The following FLT1 variants were observed in gnomAD, a reference collection of about 807,000 sequenced individuals.
FLT1 encodes vascular endothelial growth factor receptor 1.
In FLT1, 49 loss-of-function variants were observed where a neutral mutation model predicts 156.3. The ratio of observed to expected loss-of-function variants is 0.31; its 90% CI spans 0.25 to 0.40. FLT1 has a LOEUF of 0.40. Ranked by LOEUF, FLT1 falls within the 10% of genes least tolerant of loss-of-function variation. FLT1 has a pLI of 1.00. For missense variants in FLT1, 1,322 were observed against 1,637.2 expected (o/e 0.81, Z 3.32); for synonymous variants, 594 against 583.8 (o/e 1.02, Z -0.25).
intron 23 of FLT1, among the ~76,000 whole-genome samples, chr13:28,320,665 T>G (rs1295269794): frequency 2.0e-5 from 3 of 152,266 alleles, no homozygotes; most frequent in Admixed American, 2.0e-4. Flanking sequence ...ACCCCTGGTC[T>G]AGAAACTGGT....
intron 14 of FLT1, among the ~76,000 whole-genome samples, chr13:28,381,446 C>T (rs1314829758): frequency 6.6e-6 from 1 of 152,144 alleles, no homozygotes; most frequent in Non-Finnish European, 1.5e-5. Context: ...GTAATCCCAG[C>T]TACTCAGAAG....
At position 28,412,342 on chromosome 13, in the gene FLT1, C is replaced by CTTTTTCTT. The variant is rs1217479245; in HGVS notation, c.1437-6449_1437-6448insAAGAAAAA. Among the ~76,000 whole-genome samples, 41 of 76,728 alleles carry CTTTTTCTT rather than the reference C, an allele frequency of 5.3e-4. 1 individual carries two copies. The highest frequency in any genetic ancestry group is 1.7e-3 in the African/African-American group (41 of 24,478). 50.3% of individuals were successfully genotyped at this position (76,728 alleles called of 152,430 possible). A position where few individuals can be genotyped will look rare whatever the true frequency, so the allele number is the denominator to read the frequency against. On this transcript the variant is annotated intron_variant, in intron 10 of 29. Transcript: ENST00000282397. ...CTTTCTTTCTTTCTTTTCTTTCTTT[C>CTTTTTCTT]TTTCTTTCTCTTTCTTTCTTTCTTT...
rs1238432208 is a variant in FLT1 at position 28,427,940 on chromosome 13, T to A, written c.1107-19A>T. The A allele has an allele frequency of 1.5e-5, 24 of 1,610,832 alleles. No homozygotes were observed. The highest frequency in any genetic ancestry group is 2.0e-5 in the Non-Finnish European group (23 of 1,177,162). ...TTTTAACCTGTGGTTAAAAACATGATCAGTAAGTCATTTCACACGGCCTCT... is the reference window on the plus strand; with the variant it reads ...TTTTAACCTGTGGTTAAAAACATGAACAGTAAGTCATTTCACACGGCCTCT... On this transcript the variant is annotated intron_variant, in intron 8 of 29. Coordinates refer to ENST00000282397, the MANE Select transcript of FLT1 (RefSeq NM_002019.4).
At chr13:28,438,724 C>T (rs894508105) in intron 3 of FLT1, among the ~76,000 whole-genome samples, 1 of 152,170 alleles carries the variant, frequency 6.6e-6, no homozygotes, top group South Asian at 2.1e-4. Flanking sequence ...CCCTCCAGAG[C>T]CTTTGTAAGT....
intron 6 of FLT1, among the ~76,000 whole-genome samples, chr13:28,433,011 A>G (rs915818266): frequency 3.9e-5 from 6 of 152,248 alleles, no homozygotes; most frequent in African/African-American, 1.4e-4. Context: ...AATGTCGATG[A>G]AAAACAACAC....
intron 12 of FLT1, among the ~76,000 whole-genome samples, chr13:28,391,660 T>G (rs1874729237): frequency 6.6e-6 from 1 of 152,226 alleles, no homozygotes. Context: ...TGTCCTTAAC[T>G]TTGGCAAAAT....
intron 15 of FLT1, among the ~76,000 whole-genome samples, chr13:28,351,742 T>C (rs1204528338): frequency 1.1e-4 from 16 of 152,238 alleles, no homozygotes; most frequent in South Asian, 2.1e-4. Context: ...ATTTCTTTTT[T>C]CACAAGTTAA....
chr13:28,348,726 C>T (rs796278467), intron 15 of FLT1, among the ~76,000 whole-genome samples: 4 of 152,158 alleles, frequency 2.6e-5, no homozygotes, highest in African/African-American at 7.2e-5. Flanking sequence ...CGGCTAATAC[C>T]GTGAAACCCC....
chr13:28,451,466 G>A (rs893212616), intron 3 of FLT1, among the ~76,000 whole-genome samples: 13 of 152,170 alleles, frequency 8.5e-5, no homozygotes, highest in African/African-American at 2.7e-4. Flanking sequence ...TCACACCAGA[G>A]CAAGCCCTGT....
chr13:28,478,034 T>A (rs1880647536), intron 1 of FLT1, among the ~76,000 whole-genome samples: 1 of 152,244 alleles, frequency 6.6e-6, no homozygotes, highest in African/African-American at 2.4e-5. Flanking sequence ...AATTTGTGCA[T>A]CCTCTTTAGA....
At chr13:28,358,641 C>A (rs1303082612) in intron 14 of FLT1, among the ~76,000 whole-genome samples, 1 of 152,122 alleles carries the variant, frequency 6.6e-6, no homozygotes, top group Non-Finnish European at 1.5e-5. Flanking sequence ...AAACAGCAGG[C>A]TAAGATGTGG....
At chr13:28,474,515 C>CACACACACAGACACACAGACACACACAT (rs1880437779) in intron 1 of FLT1, among the ~76,000 whole-genome samples, 2 of 151,938 alleles carry the variant, frequency 1.3e-5, no homozygotes, top group Admixed American at 1.3e-4. Flanking sequence ...CACACACACA[C>CACACACACAGACACACAGACACACACAT]ACACACACAA....
At chr13:28,339,117 T>C in intron 17 of FLT1, 51 bp downstream of exon 17, 1 of 1,558,760 alleles carries the variant, frequency 6.4e-7, no homozygotes, top group Non-Finnish European at 8.8e-7. Flanking sequence ...GTGTTTTTCA[T>C]GTAATATGTG....
intron 16 of FLT1, 42 bp from the exon 17 acceptor site, chr13:28,339,342 A>C (rs1286414104): frequency 6.2e-7 from 1 of 1,604,676 alleles, no homozygotes; most frequent in African/African-American, 1.3e-5. Context: ...GAAGAAAACA[A>C]CTTTACAAAT....
intron 29 of FLT1, 118 bp downstream of exon 29, chr13:28,306,560 A>T (rs1870758349): frequency 1.3e-6 from 1 of 771,030 alleles, no homozygotes; most frequent in Non-Finnish European, 2.3e-6. Flanking sequence ...CAACTCCCGG[A>T]TACCACAGTT....
intron 1 of FLT1, among the ~76,000 whole-genome samples, chr13:28,474,507 C>CACACACACACACACACACAGACACACAG (rs1193451656): frequency 0.012 from 1,836 of 150,662 alleles, 57 homozygotes; most frequent in African/African-American, 0.042. Context: ...CACACACACA[C>CACACACACACACACACACAGACACACAG]ACACACACAC....
At position 28,357,593 on chromosome 13, in the gene FLT1, T is replaced by C. The variant is rs1346764740; in HGVS notation, c.2209A>G (p.Lys737Glu). 1 of 1,614,100 alleles carries C rather than the reference T, an allele frequency of 6.2e-7. No homozygotes were observed. Among genetic ancestry groups the C allele is most frequent in the East Asian group, 2.2e-5 (1 of 44,886 alleles). ...TATGCTGAACTTTCCACAGAGCCCT[T>C]CTGGTTGGTGGCTTTGCAGTGATAG... Reference protein sequence around the residue: ...GVYHCKATNQKGSVESSAYLT... With the variant: ...GVYHCKATNQEGSVESSAYLT... The change falls in exon 15 of 30, where the codon AAG (lysine) becomes GAG (glutamate). Residue 737 changes from lysine to glutamate, a missense_variant. Around this residue, in one of 3 missense-constraint regions of FLT1, gnomAD observed 991 missense variants for 1,254.8 expected, o/e 0.79. Coordinates refer to ENST00000282397, the MANE Select transcript of FLT1 (RefSeq NM_002019.4).
At chr13:28,482,663 G>A (rs992611998) in intron 1 of FLT1, among the ~76,000 whole-genome samples, 21 of 152,140 alleles carry the variant, frequency 1.4e-4, no homozygotes, top group East Asian at 3.9e-4. Flanking sequence ...ACTATAAAGC[G>A]CATTTAAGAA....
At chr13:28,457,562 C>T (rs1427955465) in intron 3 of FLT1, among the ~76,000 whole-genome samples, 1 of 152,166 alleles carries the variant, frequency 6.6e-6, no homozygotes, top group Admixed American at 6.5e-5. Context: ...AAATGACACA[C>T]AACAAATATT....
Sources: allele counts gnomAD v4.1 joint callset (sites outside exome capture counted in the v4.1 genomes callset), GRCh38; gene constraint gnomAD v4.1.1; regional missense constraint gnomAD v4.1.1; transcripts MANE v1.5; gene names NCBI Gene and HGNC (gene_info 2026-07-23, HGNC 2026-07-21).